The following GRID2 variants were observed in gnomAD, a reference collection of about 807,000 sequenced individuals.
GRID2 encodes glutamate ionotropic receptor delta type subunit 2.
A neutral mutation model predicts 114.8 loss-of-function variants in GRID2; 33 were observed. The ratio of observed to expected loss-of-function variants is 0.29; its 90% CI spans 0.22 to 0.38. The LOEUF is 0.38. GRID2 is among the 10% of genes least tolerant of loss of function. The probability of loss-of-function intolerance (pLI) is 1.00; values close to 1 mark genes in which losing one functional copy is unlikely to be tolerated. For missense variants in GRID2, 1,184 were observed against 1,257.7 expected (o/e 0.94, Z 0.89); for synonymous variants, 505 against 449.9 (o/e 1.12, Z -1.55).
chr4:92,892,791 A>G (rs1746881076), intron 2 of GRID2, among the ~76,000 whole-genome samples: 1 of 152,218 alleles, frequency 6.6e-6, no homozygotes, highest in African/African-American at 2.4e-5. Context: ...GTCTTGCCAA[A>G]TGATCTACTC....
At chr4:92,866,390 T>C (rs746596915) in intron 2 of GRID2, among the ~76,000 whole-genome samples, 2 of 152,216 alleles carry the variant, frequency 1.3e-5, no homozygotes, top group Non-Finnish European at 2.9e-5. Context: ...CATCAGATTC[T>C]ATTCAGAGGT....
At chr4:93,717,147 G>A (rs77469207) in intron 14 of GRID2, among the ~76,000 whole-genome samples, 6,409 of 152,138 alleles carry the variant, frequency 0.042, 217 homozygotes, top group African/African-American at 0.084. Flanking sequence ...TAAAGTGGAA[G>A]GCTTTATTTC....
chr4:92,345,643 A>G (rs1560578369), intron 1 of GRID2, among the ~76,000 whole-genome samples: 1 of 152,220 alleles, frequency 6.6e-6, no homozygotes, highest in Admixed American at 6.5e-5. Context: ...AAATGATATT[A>G]TGGTAAAGAC....
chr4:93,796,637 G>A (rs1328302716), intron 1 of GRID2, among the ~76,000 whole-genome samples: 3 of 152,140 alleles, frequency 2.0e-5, no homozygotes, highest in Non-Finnish European at 2.9e-5. Flanking sequence ...TCCACCTCCC[G>A]AGTTCAGGTG....
At chr4:92,507,415 T>TTGTGTG (rs70940902) in intron 1 of GRID2, among the ~76,000 whole-genome samples, 19,175 of 149,254 alleles carry the variant, frequency 0.13, 2,188 homozygotes, top group African/African-American at 0.32. Flanking sequence ...TCGTGTATAA[T>TTGTGTG]TGTGTGTGTG....
intron 1 of GRID2, among the ~76,000 whole-genome samples, chr4:92,487,075 T>A (rs1490452728): frequency 1.3e-5 from 2 of 152,044 alleles, no homozygotes; most frequent in Non-Finnish European, 2.9e-5. Context: ...TTTGTTATGA[T>A]CTATCTGGTT....
At chr4:92,321,624 G>A (rs1458819787) in intron 1 of GRID2, among the ~76,000 whole-genome samples, 1 of 152,164 alleles carries the variant, frequency 6.6e-6, no homozygotes, top group Non-Finnish European at 1.5e-5. Flanking sequence ...AAAATTGAGT[G>A]CTCCAATGGG....
chr4:92,709,368 C>T (rs528336913), intron 2 of GRID2, among the ~76,000 whole-genome samples: 102 of 151,692 alleles, frequency 6.7e-4, no homozygotes, highest in African/African-American at 2.4e-3. Flanking sequence ...ACTGGTGATA[C>T]GAAGATGATT....
chr4:92,626,427 G>A (rs928726288), intron 2 of GRID2, among the ~76,000 whole-genome samples: 20 of 152,036 alleles, frequency 1.3e-4, no homozygotes, highest in Admixed American at 1.2e-3. Flanking sequence ...ATCAGTAGGA[G>A]TAAGTTTAAA....
chr4:92,659,299 C>T (rs1732407415), intron 2 of GRID2, among the ~76,000 whole-genome samples: 2 of 151,462 alleles, frequency 1.3e-5, no homozygotes, highest in Non-Finnish European at 3.0e-5. Flanking sequence ...TACAGTAATG[C>T]TTAGAGCCTG....
chr4:93,409,546 A>G (rs1766893808), intron 9 of GRID2, among the ~76,000 whole-genome samples: 1 of 152,212 alleles, frequency 6.6e-6, no homozygotes, highest in African/African-American at 2.4e-5. Context: ...TTTATTCTAG[A>G]TATAAAGCAT....
chr4:92,331,359 G>C (rs1355484876), intron 1 of GRID2, among the ~76,000 whole-genome samples: 1 of 152,118 alleles, frequency 6.6e-6, no homozygotes, highest in Admixed American at 6.6e-5. Flanking sequence ...CACTTAGCCC[G>C]ATCTGTCTTA....
At chr4:92,510,407 C>T (rs1423036074) in intron 1 of GRID2, among the ~76,000 whole-genome samples, 1 of 151,732 alleles carries the variant, frequency 6.6e-6, no homozygotes, top group Non-Finnish European at 1.5e-5. Context: ...TCCACATAAC[C>T]CTGAAATACA....
chr4:92,962,109 C>T (rs1752860230), intron 2 of GRID2, among the ~76,000 whole-genome samples: 1 of 151,910 alleles, frequency 6.6e-6, no homozygotes, highest in African/African-American at 2.4e-5. Flanking sequence ...AGCATATAAA[C>T]TGTAGCTTTA....
chr4:92,760,522 AGCTTCAGGGTT>A (rs1255405177), intron 2 of GRID2, among the ~76,000 whole-genome samples: 7 of 152,226 alleles, frequency 4.6e-5, no homozygotes, highest in African/African-American at 9.6e-5. Context: ...CAGCCAATCC[AGCTTCAGGGTT>A]GCTTCAGGGT....
chr4:93,657,778 C>T (rs1255311801), intron 14 of GRID2, among the ~76,000 whole-genome samples: 1 of 152,186 alleles, frequency 6.6e-6, no homozygotes, highest in Non-Finnish European at 1.5e-5. Flanking sequence ...CTACTTAAGC[C>T]TCTCCTTGGG....
chr4:93,636,752 T>C (rs925177583), intron 14 of GRID2, among the ~76,000 whole-genome samples: 2 of 152,144 alleles, frequency 1.3e-5, no homozygotes, highest in Non-Finnish European at 2.9e-5. Flanking sequence ...GAAACAATCA[T>C]AGATTTTGAG....
At chr4:93,794,285 G>C (rs1340308751) in intron 1 of GRID2, among the ~76,000 whole-genome samples, 2 of 152,202 alleles carry the variant, frequency 1.3e-5, no homozygotes, top group Non-Finnish European at 2.9e-5. Flanking sequence ...AATGTTTGAA[G>C]CCAACATCAT....
intron 14 of GRID2, among the ~76,000 whole-genome samples, chr4:93,700,099 A>G (rs190396104): frequency 6.6e-6 from 1 of 152,104 alleles, no homozygotes; most frequent in Non-Finnish European, 1.5e-5. Context: ...TTACCCAAAG[A>G]TAGTTTAAGG....
Sources: allele counts gnomAD v4.1 joint callset (sites outside exome capture counted in the v4.1 genomes callset), GRCh38; gene constraint gnomAD v4.1.1; transcripts MANE v1.5; gene names NCBI Gene and HGNC (gene_info 2026-07-23, HGNC 2026-07-21).